Variants in AFF1 observed in about 807,000 individuals in gnomAD.
AFF1 encodes the protein AF4/FMR2 family member 1.
Under a neutral mutation model 121.7 loss-of-function variants are expected in AFF1, and 48 were observed. The ratio of observed to expected loss-of-function variants is 0.39; its 90% confidence interval spans 0.31 to 0.50. The LOEUF is 0.50. AFF1 is among the 20% of genes least tolerant of loss of function. AFF1 has a pLI of 0.76. For missense variants in AFF1, 1,523 were observed against 1,511.7 expected (o/e 1.01, Z -0.12); for synonymous variants, 613 against 563.0 (o/e 1.09, Z -1.26).
At chr4:87,002,819 T>C (rs1196401686) in intron 2 of AFF1, among the ~76,000 whole-genome samples, 1 of 152,220 alleles carries the variant, frequency 6.6e-6, no homozygotes. Flanking sequence ...GAGCCTCACG[T>C]GCTTCCTAAG....
rs1042956299 is a variant in AFF1 at position 87,007,168 on chromosome 4, C to A, written c.39-38998C>A. The A allele has an allele frequency of 2.2e-6, 3 of 1,347,596 alleles. No homozygotes were observed. In the East Asian group the frequency reaches 8.9e-5, roughly 40 times the overall value. The allele number at this position is 1,347,596 out of a possible 1,614,324, so 83.5% of individuals were successfully genotyped here. ...CCCCGGGCTCGTCTGAAGTGCAGAT[C>A]GCCGCAGAGGCCCCAGTGCCCGGAT... is the stretch of plus-strand genomic sequence containing the variant. On this transcript the variant is annotated intron_variant, in intron 2 of 20. Coordinates refer to ENST00000395146, the MANE Select transcript of AFF1 (RefSeq NM_001166693.3).
In AFF1 at chr4:86,986,079, TTAATG is replaced by T. The variant is rs202150306; in HGVS notation, c.38+37513_38+37517del. Among the ~76,000 whole-genome samples the T allele has an allele frequency of 7.1e-3, 1,065 of 150,472 alleles. 4 individuals carry two copies. The highest frequency in any genetic ancestry group is 0.011 in the Non-Finnish European group (755 of 67,768). ...TTAATTTAATTTAATTTAATTTAATTTAATGTAATTGGAGACCGAATCTCACTCTG... is the reference window on the plus strand; with the variant it reads ...TTAATTTAATTTAATTTAATTTAATTTAATTGGAGACCGAATCTCACTCTG... On this transcript the variant is annotated intron_variant, in intron 2 of 20. Coordinates refer to ENST00000395146, the MANE Select transcript of AFF1 (RefSeq NM_001166693.3).
intron 2 of AFF1, among the ~76,000 whole-genome samples, chr4:86,959,039 T>C (rs1721957303): frequency 6.6e-6 from 1 of 152,220 alleles, no homozygotes; most frequent in Admixed American, 6.5e-5. Flanking sequence ...CATCACAATC[T>C]AGTGAGTAGA....
intron 4 of AFF1, among the ~76,000 whole-genome samples, chr4:87,072,703 G>T (rs1003785485): frequency 1.3e-5 from 2 of 151,450 alleles, no homozygotes; most frequent in African/African-American, 2.4e-5. Flanking sequence ...GATTTTTTTT[G>T]TATTTTTAGT....
At chr4:87,021,063 A>G (rs1727851212) in intron 2 of AFF1, among the ~76,000 whole-genome samples, 1 of 152,100 alleles carries the variant, frequency 6.6e-6, no homozygotes, top group African/African-American at 2.4e-5. Flanking sequence ...GTACCTTTGT[A>G]TGCGTTTTAA....
chr4:87,118,104 A>C (rs1217862523), intron 12 of AFF1, among the ~76,000 whole-genome samples: 1 of 152,240 alleles, frequency 6.6e-6, no homozygotes, highest in Non-Finnish European at 1.5e-5. Context: ...CCTTCACATT[A>C]GTGGTATTTA....
At chr4:87,044,660 A>G (rs183251853) in intron 2 of AFF1, among the ~76,000 whole-genome samples, 21 of 152,326 alleles carry the variant, frequency 1.4e-4, no homozygotes, top group Admixed American at 1.0e-3. Flanking sequence ...GGGAGTAGTC[A>G]GGTGTGACTG....
chr4:86,955,796 T>C (rs1380644884), intron 2 of AFF1, among the ~76,000 whole-genome samples: 1 of 152,168 alleles, frequency 6.6e-6, no homozygotes, highest in Non-Finnish European at 1.5e-5. Flanking sequence ...TTTTCAGTTT[T>C]TGGGAAGATT....
At chr4:87,124,050 C>T (rs1727978110) in intron 12 of AFF1, among the ~76,000 whole-genome samples, 1 of 152,280 alleles carries the variant, frequency 6.6e-6, no homozygotes, top group Non-Finnish European at 1.5e-5. Context: ...GGGAAGGAGG[C>T]CGTCAGGGAG....
At chr4:87,026,793 A>G (rs1184894572) in intron 2 of AFF1, among the ~76,000 whole-genome samples, 3 of 152,308 alleles carry the variant, frequency 2.0e-5, no homozygotes, top group East Asian at 3.9e-4. Context: ...AGATTTACTT[A>G]TGTAAAATGC....
chr4:87,081,226 A>G (rs552930226), intron 4 of AFF1, among the ~76,000 whole-genome samples: 15 of 130,184 alleles, frequency 1.2e-4, no homozygotes, highest in Non-Finnish European at 1.4e-4. Flanking sequence ...CAGTGGCCCA[A>G]TCTCTGCTCA....
In AFF1 at chr4:86,982,388, C is replaced by CTTTTT. The variant is rs70953632; in HGVS notation, c.38+33842_38+33846dup. Among the ~76,000 whole-genome samples, 29 of 58,594 alleles carry CTTTTT rather than the reference C, an allele frequency of 4.9e-4. 1 individual carries two copies. The highest frequency in any genetic ancestry group is 1.4e-3 in the African/African-American group (24 of 17,042). 38.4% of individuals were successfully genotyped at this position (58,594 alleles called of 152,430 possible). ...GCGCTGTTCAAAGAAAAAAAATTGG[C>CTTTTT]TTTTTTTTTTTTTTTTTTTTTTTTT... On this transcript the variant is annotated intron_variant, in intron 2 of 20. Transcript: ENST00000395146.
At chr4:86,963,961 TG>T (rs1560504960) in intron 2 of AFF1, among the ~76,000 whole-genome samples, 1 of 132,774 alleles carries the variant, frequency 7.5e-6, no homozygotes, top group African/African-American at 3.3e-5. Context: ...ATGACTAGAC[TG>T]GTTTTTTTTT....
chr4:86,949,266 C>T (rs1721093886), intron 2 of AFF1, among the ~76,000 whole-genome samples: 1 of 149,458 alleles, frequency 6.7e-6, no homozygotes, highest in African/African-American at 2.4e-5. Flanking sequence ...CCTCCACCTC[C>T]CAGGTTCAAG....
At chr4:87,058,454 C>T (rs1720381445) in intron 4 of AFF1, among the ~76,000 whole-genome samples, 1 of 152,004 alleles carries the variant, frequency 6.6e-6, no homozygotes, top group South Asian at 2.1e-4. Context: ...ACTTTGCTTC[C>T]TACCTTTCAG....
At chr4:86,944,663 A>T (rs1405398421) in intron 1 of AFF1, among the ~76,000 whole-genome samples, 2 of 151,554 alleles carry the variant, frequency 1.3e-5, no homozygotes, top group African/African-American at 4.8e-5. Flanking sequence ...AGCTAGTTGC[A>T]AAGCAGGTCT....
rs1377912896 is a variant in AFF1, at chr4:87,111,516, G to C, written c.1534-2851G>C. Among the ~76,000 whole-genome samples, 8 of 151,640 alleles carry C rather than the reference G, an allele frequency of 5.3e-5. No homozygotes were observed. In the East Asian group the frequency reaches 1.4e-3, roughly 26 times the overall value. On this transcript the variant is annotated intron_variant, in intron 11 of 20. Transcript: ENST00000395146. ...CTACAGGTACGTGCCACTAAGTCTG[G>C]CTAATTTTTGTATTTTTAGTAGAGA...
At chr4:87,045,917 G>T (rs1730640341) in intron 2 of AFF1, among the ~76,000 whole-genome samples, 1 of 152,122 alleles carries the variant, frequency 6.6e-6, no homozygotes, top group Non-Finnish European at 1.5e-5. Flanking sequence ...AGCCATGATG[G>T]AGACCATGGC....
Position 87,136,797 on chromosome 4 carries a change from T to C in AFF1, c.*1096T>C. ...GCTATATTTTTCTGCTACAAATATTTTATATTTATAGCAAAACTAGACTTT... is the reference window on the plus strand; with the variant it reads ...GCTATATTTTTCTGCTACAAATATTCTATATTTATAGCAAAACTAGACTTT... On this transcript the variant is annotated 3_prime_UTR_variant, in exon 21 of 21. Transcript: ENST00000395146. 1 of 222,712 alleles carries C rather than the reference T, an allele frequency of 4.5e-6. No individual in the cohort carries two copies. The highest frequency in any genetic ancestry group is 9.0e-6 in the Non-Finnish European group (1 of 111,584). 13.8% of individuals were successfully genotyped at this position (222,712 alleles called of 1,614,324 possible). A position where few individuals can be genotyped will look rare whatever the true frequency, so the allele number is the denominator to read the frequency against.
Sources: allele counts gnomAD v4.1 joint callset (sites outside exome capture counted in the v4.1 genomes callset), GRCh38; gene constraint gnomAD v4.1.1; transcripts MANE v1.5; gene names NCBI Gene and HGNC (gene_info 2026-07-23, HGNC 2026-07-21).